Variants in SHISA9 observed in about 807,000 individuals in gnomAD.
SHISA9 encodes protein shisa-9.
SHISA9 carries 13 observed loss-of-function variants against 38.0 expected under a neutral mutation model. The ratio of observed to expected loss-of-function variants is 0.34; its 90% confidence interval spans 0.22 to 0.54. The LOEUF (loss-of-function observed/expected upper bound fraction) is 0.54, where lower values mean the gene tolerates loss of function less well. SHISA9 is among the 20% of genes least tolerant of loss of function. The probability of loss-of-function intolerance (pLI) is 0.91; values close to 1 mark genes in which losing one functional copy is unlikely to be tolerated. For synonymous variants in SHISA9, 275 were observed against 242.0 expected (o/e 1.14, Z -1.27); for missense variants, 538 against 575.8 (o/e 0.93, Z 0.67).
chr16:13,187,573 G>A (rs942035473), intron 2 of SHISA9, among the ~76,000 whole-genome samples: 1 of 151,932 alleles, frequency 6.6e-6, no homozygotes, highest in Non-Finnish European at 1.5e-5. Context: ...GATGTCTAGT[G>A]ATCCACCCAC....
intron 2 of SHISA9, among the ~76,000 whole-genome samples, chr16:12,927,415 T>C (rs890958223): frequency 6.6e-6 from 1 of 152,212 alleles, no homozygotes; most frequent in Non-Finnish European, 1.5e-5. Context: ...CTTATTTATC[T>C]GGTGACAGGG....
chr16:13,247,361 T>A, the SHISA9 span, among the ~76,000 whole-genome samples: 48 of 152,318 alleles, frequency 3.2e-4, no homozygotes, highest in African/African-American at 9.9e-4. Context: ...CTAGGACCTT[T>A]ACATACCTGA....
chr16:13,021,796 T>G (rs1340165856), intron 2 of SHISA9, among the ~76,000 whole-genome samples: 1 of 152,204 alleles, frequency 6.6e-6, no homozygotes, highest in Non-Finnish European at 1.5e-5. Context: ...ATTATAATAG[T>G]CTATTTATTA....
At chr16:13,260,549 C>A in the SHISA9 span, among the ~76,000 whole-genome samples, 1 of 152,144 alleles carries the variant, frequency 6.6e-6, no homozygotes, top group East Asian at 1.9e-4. Context: ...TAACAAATGT[C>A]ACCTTTACTC....
At chr16:13,102,992 A>T (rs1163094481) in intron 2 of SHISA9, among the ~76,000 whole-genome samples, 1 of 152,182 alleles carries the variant, frequency 6.6e-6, no homozygotes. Flanking sequence ...TATCCTTTCA[A>T]AAACTTTTGT....
rs556357763 is a variant in SHISA9 at position 13,086,991 on chromosome 16, G to A, written c.692-116403G>A. Among the ~76,000 whole-genome samples, 4 of 143,430 alleles carry A rather than the reference G, an allele frequency of 2.8e-5. No homozygotes were observed. In the East Asian group the frequency reaches 6.2e-4, roughly 22 times the overall value. 94.1% of individuals were successfully genotyped at this position (143,430 alleles called of 152,430 possible). ...CCCCCACCCCCCAACAGGCCCCGGT[G>A]TGTGATGTTCCCCGCCCTGTGTCCA... On this transcript the variant is annotated intron_variant, in intron 2 of 4. Coordinates refer to ENST00000558583, the MANE Select transcript of SHISA9 (RefSeq NM_001145204.3).
At chr16:13,140,191 T>A (rs1473099833) in intron 2 of SHISA9, among the ~76,000 whole-genome samples, 4 of 126,756 alleles carry the variant, frequency 3.2e-5, no homozygotes, top group African/African-American at 1.2e-4. Flanking sequence ...CTTCCCTTTC[T>A]TTTTAGACAG....
intron 2 of SHISA9, among the ~76,000 whole-genome samples, chr16:13,198,253 C>G (rs1050762609): frequency 1.5e-4 from 19 of 130,604 alleles, no homozygotes; most frequent in African/African-American, 4.7e-4. Context: ...TACATATATA[C>G]TTGTGTGTAT....
chr16:13,417,380 G>GA, the SHISA9 span, among the ~76,000 whole-genome samples: 4,055 of 147,164 alleles, frequency 0.028, 141 homozygotes, highest in African/African-American at 0.081. Context: ...TTTTGAGTTG[G>GA]AAAAAAAAAA....
intron 2 of SHISA9, among the ~76,000 whole-genome samples, chr16:13,155,085 A>G (rs1336368717): frequency 1.3e-5 from 2 of 152,248 alleles, no homozygotes; most frequent in Non-Finnish European, 2.9e-5. Flanking sequence ...ATACTGGAGT[A>G]GAATGAACTG....
chr16:13,365,766 G>A, the SHISA9 span, among the ~76,000 whole-genome samples: 2 of 152,088 alleles, frequency 1.3e-5, no homozygotes. Flanking sequence ...GCCCCAGAGA[G>A]TATACTTCTA....
At chr16:13,374,305 A>C in the SHISA9 span, among the ~76,000 whole-genome samples, 2 of 151,866 alleles carry the variant, frequency 1.3e-5, no homozygotes, top group African/African-American at 4.8e-5. Context: ...TCCTAATGCT[A>C]TCCCTCCCCT....
intron 2 of SHISA9, among the ~76,000 whole-genome samples, chr16:13,073,810 C>T (rs797007014): frequency 1.2e-4 from 19 of 152,138 alleles, no homozygotes; most frequent in African/African-American, 4.3e-4. Context: ...AGCCAAGGAA[C>T]GCCAAAGATA....
At chr16:13,232,261 G>C (rs2051338466) in intron 4 of SHISA9, among the ~76,000 whole-genome samples, 1 of 152,122 alleles carries the variant, frequency 6.6e-6, no homozygotes, top group Admixed American at 6.6e-5. Flanking sequence ...AATTTTAAAA[G>C]TGTAGATAAT....
At chr16:13,187,137 C>T (rs1157592256) in intron 2 of SHISA9, among the ~76,000 whole-genome samples, 1 of 152,134 alleles carries the variant, frequency 6.6e-6, no homozygotes, top group Non-Finnish European at 1.5e-5. Context: ...TCCATGTGCC[C>T]TAGCAGACTC....
At position 13,235,630 on chromosome 16, in the gene SHISA9, C is replaced by G. The variant is rs1476048429; in HGVS notation, c.*221C>G. 7 of 558,620 alleles carry G rather than the reference C, an allele frequency of 1.3e-5. No homozygotes were observed. In the South Asian group the frequency reaches 2.1e-4, roughly 17 times the overall value. 34.6% of individuals were successfully genotyped at this position (558,620 alleles called of 1,614,324 possible). A position where few individuals can be genotyped will look rare whatever the true frequency, so the allele number is the denominator to read the frequency against. On this transcript the variant is annotated 3_prime_UTR_variant, in exon 5 of 5. Transcript: ENST00000558583. The stretch of plus-strand genomic sequence containing the variant: ...TGAGAAAGACCGAAGCGTGGACATT[C>G]AGCAATACAGCAAAGGGGAAAATGA...
At chr16:13,290,814 C>T in the SHISA9 span, among the ~76,000 whole-genome samples, 41 of 152,260 alleles carry the variant, frequency 2.7e-4, no homozygotes, top group South Asian at 7.3e-3. Context: ...CTTCTCCAAC[C>T]TGCTCATCAC....
the SHISA9 span, chr16:13,331,448 C>G: frequency 6.6e-6 from 1 of 151,094 alleles, no homozygotes; most frequent in Non-Finnish European, 1.5e-5. Flanking sequence ...TTTCTATGAT[C>G]TCATGTCTTT....
At chr16:13,408,993 C>T in the SHISA9 span, among the ~76,000 whole-genome samples, 4 of 152,210 alleles carry the variant, frequency 2.6e-5, no homozygotes, top group African/African-American at 9.6e-5. Flanking sequence ...GTCTTTTGGC[C>T]TGCCACACCC....
Sources: gnomAD v4.1 joint callset for allele counts (sites outside exome capture counted in the v4.1 genomes callset) on GRCh38, gnomAD v4.1.1 for gene constraint, MANE v1.5 for transcripts, NCBI Gene and HGNC (gene_info 2026-07-23, HGNC 2026-07-21) for gene names.